THAP4: variants seen among roughly 807,000 people sequenced by gnomAD.
The protein encoded by THAP4 is THAP domain containing 4.
Under a neutral mutation model 48.1 loss-of-function variants are expected in THAP4, and 18 were observed. The ratio of observed to expected loss-of-function variants is 0.37; its 90% CI spans 0.26 to 0.56. The LOEUF (loss-of-function observed/expected upper bound fraction) is 0.56. THAP4 is among the 20% of genes least tolerant of loss of function. The pLI is 0.78. For missense variants in THAP4, 656 were observed against 774.9 expected (o/e 0.85, Z 1.82); for synonymous variants, 345 against 324.9 (o/e 1.06, Z -0.66).
At chr2:241,617,632 T>G in intron 2 of THAP4, 1 of 619,842 alleles carries the variant, frequency 1.6e-6, no homozygotes, top group East Asian at 3.1e-5. Context: ...ATTTCAGAGC[T>G]GGAAGGAGCT....
chr2:241,611,649 C>T (rs978755042), intron 2 of THAP4, among the ~76,000 whole-genome samples: 2 of 150,220 alleles, frequency 1.3e-5, no homozygotes, highest in East Asian at 2.0e-4. Context: ...GCATGAACCC[C>T]GGAGGCACAG....
intron 5 of THAP4, among the ~76,000 whole-genome samples, chr2:241,585,862 G>A (rs1397789312): frequency 2.6e-4 from 35 of 134,976 alleles, no homozygotes; most frequent in African/African-American, 9.2e-4. Flanking sequence ...GCAGTGAGCC[G>A]AGATCATGCC....
chr2:241,619,690 GGGGTGAGTGAGTCGGTGAGTGAA>G (rs2067386677), intron 2 of THAP4, among the ~76,000 whole-genome samples: 4 of 151,974 alleles, frequency 2.6e-5, no homozygotes, highest in Admixed American at 6.6e-5. Flanking sequence ...TGAGGGGTGA[GGGGTGAGTGAGTCGGTGAGTGAA>G]GGGTGAGTGA....
At chr2:241,587,064 G>A (rs1044038822) in intron 5 of THAP4, among the ~76,000 whole-genome samples, 1 of 152,212 alleles carries the variant, frequency 6.6e-6, no homozygotes, top group African/African-American at 2.4e-5. Context: ...AGAGGTGGGT[G>A]TGGGTGTCAT....
rs773782859 is a variant in THAP4, at chr2:241,616,210, G to A, written c.1241-9737C>T. On this transcript the variant is annotated intron_variant, in intron 2 of 5. Transcript: ENST00000407315. This position sits in a 1 kb window ranked among gnomAD's most constrained non-coding sequence, Gnocchi z 4.6. ...AGGAGGGACGTGGCCCGGGCTTTCT[G>A]CCTCGACGACTAGCCCAAGGGAGAT... 5.3e-5 allele frequency among the ~76,000 whole-genome samples: 8 copies of A among 152,218 alleles called. No individual in the cohort carries two copies. The highest frequency in any genetic ancestry group is 5.9e-5 in the Non-Finnish European group (4 of 68,028).
upstream of THAP4, chr2:241,637,386 A>C (rs1180952702): frequency 7.1e-7 from 1 of 1,412,318 alleles, no homozygotes; most frequent in Admixed American, 2.3e-5. Flanking sequence ...TCGGACGGGG[A>C]CAGAGCTCGC....
intron 4 of THAP4, among the ~76,000 whole-genome samples, chr2:241,602,499 G>C (rs1311468597): frequency 6.6e-6 from 1 of 152,074 alleles, no homozygotes; most frequent in Admixed American, 6.6e-5. Flanking sequence ...CAAGTGGCTT[G>C]GGATTACAGG....
intron 4 of THAP4, chr2:241,602,225 G>C: frequency 1.8e-6 from 1 of 569,450 alleles, no homozygotes; most frequent in East Asian, 2.9e-5. Flanking sequence ...ACCCTCTCCA[G>C]ACTGGGCCCC....
At chr2:241,596,508 C>CAA (rs71406471) in intron 5 of THAP4, among the ~76,000 whole-genome samples, 1 of 20,908 alleles carries the variant, frequency 4.8e-5, no homozygotes, top group East Asian at 3.4e-3. Flanking sequence ...ACTCTGTCTC[C>CAA]AAAAAAAAAA....
chr2:241,586,334 G>A (rs2066896558), intron 5 of THAP4, among the ~76,000 whole-genome samples: 3 of 149,688 alleles, frequency 2.0e-5, no homozygotes, highest in Non-Finnish European at 4.4e-5. Context: ...CCAGGAGTAA[G>A]AGTTAACCAG....
chr2:241,636,906 C>T, intron 1 of THAP4, 35 bp downstream of exon 1: 1 of 1,156,398 alleles, frequency 8.6e-7, no homozygotes, highest in South Asian at 1.8e-5. Flanking sequence ...AGGGCCGGGT[C>T]GGGGCGGGGG....
chr2:241,602,889 TG>T, intron 4 of THAP4, 80 bp downstream of exon 4: 1 of 1,084,512 alleles, frequency 9.2e-7, no homozygotes, highest in African/African-American at 1.5e-5. Context: ...GGGTTGCACA[TG>T]GGCATCCCTG....
At chr2:241,603,893 C>T (rs1202973595) in intron 3 of THAP4, among the ~76,000 whole-genome samples, 1 of 152,046 alleles carries the variant, frequency 6.6e-6, no homozygotes, top group Non-Finnish European at 1.5e-5. Flanking sequence ...TGACTCAAGG[C>T]CGTAATCCCA....
At chr2:241,586,850 T>C (rs1355898835) in intron 5 of THAP4, among the ~76,000 whole-genome samples, 3 of 152,090 alleles carry the variant, frequency 2.0e-5, no homozygotes, top group Non-Finnish European at 2.9e-5. Context: ...AAGGGACACA[T>C]TGAAAATTGC....
At chr2:241,607,568 C>T (rs890044112) in intron 2 of THAP4, among the ~76,000 whole-genome samples, 3 of 151,564 alleles carry the variant, frequency 2.0e-5, no homozygotes, top group South Asian at 2.1e-4. Flanking sequence ...CACCCAGGAG[C>T]AGCAGCAGGG....
chr2:241,637,489 T>C, upstream of THAP4: 2 of 1,449,960 alleles, frequency 1.4e-6, no homozygotes, highest in South Asian at 1.4e-5. Context: ...GAACCAGCCG[T>C]CGTCCCACGA....
chr2:241,593,500 C>T (rs150402612), intron 5 of THAP4, among the ~76,000 whole-genome samples: 27 of 152,150 alleles, frequency 1.8e-4, no homozygotes, highest in African/African-American at 5.6e-4. Context: ...GAGACGCACA[C>T]GGGGACCCGA....
intron 2 of THAP4, among the ~76,000 whole-genome samples, chr2:241,617,705 G>A (rs1248197014): frequency 6.6e-6 from 1 of 152,182 alleles, no homozygotes; most frequent in Admixed American, 6.5e-5. Context: ...AGTGACGAGT[G>A]CGGCTTCTAC....
In THAP4 at chr2:241,601,124, C is replaced by CT. The variant is rs2067107841; in HGVS notation, c.1614+771_1614+772insA. Among the ~76,000 whole-genome samples the CT allele has an allele frequency of 1.3e-5, 2 of 151,928 alleles. No homozygotes were observed. Among genetic ancestry groups the CT allele is most frequent in the South Asian group, 4.2e-4 (2 of 4,818 alleles). On this transcript the variant is annotated intron_variant, in intron 5 of 5. Transcript: ENST00000407315. The surrounding 1 kb of genome is among the most constrained non-coding windows in gnomAD (Gnocchi z 4.0). ...AGAAACCCTGTCTCTACTAATAATA[C>CT]AAAATTAGCCAGGCGTGGTGGCGCA...
Sources: allele counts gnomAD v4.1 joint callset (sites outside exome capture counted in the v4.1 genomes callset), GRCh38; gene constraint gnomAD v4.1.1; non-coding constraint Gnocchi (gnomAD v3.1); transcripts MANE v1.5; gene names NCBI Gene and HGNC (gene_info 2026-07-23, HGNC 2026-07-21).